The following PLTP variants were observed in gnomAD, a reference collection of about 807,000 sequenced individuals.
The protein encoded by PLTP is BPI fold containing family E.
A neutral mutation model predicts 54.1 loss-of-function variants in PLTP; 43 were observed. The ratio of observed to expected loss-of-function variants is 0.79; its 90% CI spans 0.62 to 1.02. The LOEUF (loss-of-function observed/expected upper bound fraction) is 1.02. Among genes scored for constraint, PLTP ranks in the 50% least tolerant of loss-of-function variants. PLTP has a pLI of 0.00. For missense variants in PLTP, 604 were observed against 645.9 expected, an observed-to-expected ratio of 0.94 and a Z score of 0.70; for synonymous variants, 263 against 264.6, an observed-to-expected ratio of 0.99 and a Z score of 0.06.
intron 5 of PLTP, 101 bp downstream of exon 5, chr20:45,909,415 C>T (rs1403231289): frequency 4.6e-6 from 6 of 1,305,096 alleles, no homozygotes; most frequent in East Asian, 2.3e-5. Flanking sequence ...GAGCTTTGGA[C>T]CCAGTTGGTC....
intron 3 of PLTP, among the ~76,000 whole-genome samples, chr20:45,910,606 C>T (rs2083280923): frequency 6.7e-6 from 1 of 149,674 alleles, no homozygotes; most frequent in African/African-American, 2.5e-5. Context: ...CAGAACAAGA[C>T]TCCCTCTCAG....
At chr20:45,899,810 C>A (rs868811892) in intron 13 of PLTP, 26 bp downstream of exon 13, 2 of 1,134,804 alleles carry the variant, frequency 1.8e-6, no homozygotes, top group African/African-American at 3.1e-5. Flanking sequence ...GAACCCAGCC[C>A]AGCCCACCCA....
intron 13 of PLTP, 31 bp downstream of exon 13, chr20:45,899,805 C>CCGGG: frequency 2.1e-6 from 3 of 1,414,698 alleles, no homozygotes; most frequent in Non-Finnish European, 2.9e-6. Flanking sequence ...CTCACGAACC[C>CCGGG]AGCCCAGCCC....
At chr20:45,900,119 T>C (rs1343430011) in intron 12 of PLTP, among the ~76,000 whole-genome samples, 3 of 138,480 alleles carry the variant, frequency 2.2e-5, no homozygotes, top group African/African-American at 8.1e-5. Context: ...TTTTTTTTTT[T>C]TTTTTTTGAG....
intron 10 of PLTP, 123 bp downstream of exon 10, chr20:45,904,677 G>A: frequency 1.1e-6 from 1 of 873,772 alleles, no homozygotes; most frequent in African/African-American, 1.6e-5. Context: ...AGGCGAGGGG[G>A]ATTGGCCACA....
At chr20:45,906,602 TG>T (rs1286956140) in intron 7 of PLTP, among the ~76,000 whole-genome samples, 2 of 151,906 alleles carry the variant, frequency 1.3e-5, no homozygotes, top group African/African-American at 4.8e-5. Flanking sequence ...CAAGATGGCA[TG>T]GGGGGGCCGC....
chr20:45,909,945 A>C lies in PLTP; in HGVS notation c.326T>G (p.Phe109Cys), dbSNP rs771509617. The C allele has an allele frequency of 6.2e-7, 1 of 1,614,036 alleles. No individual in the cohort carries two copies. The highest frequency in any genetic ancestry group is 8.5e-7 in the Non-Finnish European group (1 of 1,179,986). Reference sequence around the variant, plus strand: ...CCTGAGGGTGCTGGGTCCTTACAAGAACCAGTAGAGCAGCTGTCTCCGGAA... The same window carrying C: ...CCTGAGGGTGCTGGGTCCTTACAAGCACCAGTAGAGCAGCTGTCTCCGGAA... ...LRFRRQLLYW[F>C]FYDGGYINAS... is the part of the protein sequence containing the mutation. The change falls in exon 4 of 16, where the codon TTC (phenylalanine) becomes TGC (cysteine). Residue 109 changes from phenylalanine (F) to cysteine (C), a missense_variant. Phe to Cys is a radical substitution (Grantham distance 205). Coordinates refer to ENST00000372431, the MANE Select transcript of PLTP (RefSeq NM_006227.4).
At position 45,906,248 on chromosome 20, in the gene PLTP, C is replaced by T. The variant is rs1460153748; in HGVS notation, c.705+20G>A. ...TCTTGTTAGGAAGTCAGAGGTCATACACCAGCCCAAGCAGCTCACCCGGAA... is the reference window on the plus strand; with the variant it reads ...TCTTGTTAGGAAGTCAGAGGTCATATACCAGCCCAAGCAGCTCACCCGGAA... On this transcript the variant is annotated intron_variant, in intron 8 of 15. Coordinates refer to ENST00000372431, the MANE Select transcript of PLTP (RefSeq NM_006227.4). The T allele has an allele frequency of 6.3e-7, 1 of 1,578,364 alleles. No individual in the cohort carries two copies. Among genetic ancestry groups the T allele is most frequent in the Non-Finnish European group, 8.7e-7 (1 of 1,147,422 alleles).
chr20:45,899,425 A>T, intron 15 of PLTP, 37 bp downstream of exon 15: 1 of 1,598,838 alleles, frequency 6.3e-7, no homozygotes, highest in Non-Finnish European at 8.6e-7. Context: ...GAGAGAGGGG[A>T]AGGCCCTCCC....
In PLTP at chr20:45,898,780, TGATA is replaced by T; in HGVS notation, c.*157_*160del. 1 of 857,348 alleles carries T rather than the reference TGATA, an allele frequency of 1.2e-6. No homozygotes were observed. Among genetic ancestry groups the T allele is most frequent in the South Asian group, 1.7e-5 (1 of 57,906 alleles). The allele number at this position is 857,348 out of a possible 1,614,324, so 53.1% of individuals were successfully genotyped here. A position where few individuals can be genotyped will look rare whatever the true frequency, so the allele number is the denominator to read the frequency against. On this transcript the variant is annotated 3_prime_UTR_variant, in exon 16 of 16. Coordinates refer to ENST00000372431, the MANE Select transcript of PLTP (RefSeq NM_006227.4). This position sits in a 1 kb window ranked among gnomAD's most constrained non-coding sequence, Gnocchi z 4.6. Reference sequence around the variant, plus strand: ...AGGGAGGTGGTGGACGGACTGTAATTGATAGATTGATTATGGAATTAAATTGGGT... The same window carrying T: ...AGGGAGGTGGTGGACGGACTGTAATTGATTGATTATGGAATTAAATTGGGT...
chr20:45,898,740 C>G lies in PLTP; in HGVS notation c.*201G>C. ...ATTCCATCCCAGGAACCCAACAGAGCTCAGGACAGCCCACAGGGAGGTGGT... is the reference window on the plus strand; with the variant it reads ...ATTCCATCCCAGGAACCCAACAGAGGTCAGGACAGCCCACAGGGAGGTGGT... On this transcript the variant is annotated 3_prime_UTR_variant, in exon 16 of 16. Transcript: ENST00000372431. This position sits in a 1 kb window ranked among gnomAD's most constrained non-coding sequence, Gnocchi z 4.6. 1.4e-6 allele frequency: 1 copy of G among 704,592 alleles called. No homozygotes were observed. Among genetic ancestry groups the G allele is most frequent in the Middle Eastern group, 4.0e-4 (1 of 2,500 alleles). 43.6% of individuals were successfully genotyped at this position (704,592 alleles called of 1,614,324 possible). A position where few individuals can be genotyped will look rare whatever the true frequency, so the allele number is the denominator to read the frequency against.
chr20:45,911,726 A>C, intron 1 of PLTP: 1 of 553,738 alleles, frequency 1.8e-6, no homozygotes, highest in South Asian at 2.0e-5. Flanking sequence ...CCGCGTGATG[A>C]GTTTGGACCT....
rs748185825 is a variant in PLTP at position 45,902,286 on chromosome 20, T to A, written c.1156A>T (p.Thr386Ser). The A allele has an allele frequency of 6.2e-7, 1 of 1,614,046 alleles. No individual in the cohort carries two copies. The highest frequency in any genetic ancestry group is 1.7e-5 in the Admixed American group (1 of 60,032). ...GCCTACCTGCGCAGGTCCAGCTGCGTGCGCAGGGCCTTCCCCCGGAGAGCC... is the reference window on the plus strand; with the variant it reads ...GCCTACCTGCGCAGGTCCAGCTGCGAGCGCAGGGCCTTCCCCCGGAGAGCC... ...KMALRGKALRTQLDLRRFRIY... is the reference protein window; with the variant it reads ...KMALRGKALRSQLDLRRFRIY... The change falls in exon 12 of 16, where the codon ACG becomes TCG. Residue 386 changes from threonine to serine, a missense_variant. Coordinates refer to ENST00000372431, the MANE Select transcript of PLTP (RefSeq NM_006227.4).
intron 12 of PLTP, among the ~76,000 whole-genome samples, 161 bp from the exon 13 acceptor site, chr20:45,900,039 TTGC>T (rs2083166694): frequency 6.6e-6 from 1 of 151,722 alleles, no homozygotes; most frequent in South Asian, 2.1e-4. Context: ...GGGGCAGTCA[TTGC>T]TGCCACTTGG....
chr20:45,904,889 G>C (rs753641491), intron 9 of PLTP, 30 bp from the exon 10 acceptor site: 2 of 1,614,072 alleles, frequency 1.2e-6, no homozygotes, highest in East Asian at 4.5e-5. Flanking sequence ...GTGAGGGAGT[G>C]AGCTCTGTCA....
chr20:45,911,582 T>C, intron 1 of PLTP, 119 bp from the exon 2 acceptor site: 3 of 1,377,560 alleles, frequency 2.2e-6, no homozygotes, highest in Non-Finnish European at 3.0e-6. Flanking sequence ...TTCGGGGAAC[T>C]TGGAACCAAT....
intron 11 of PLTP, 48 bp from the exon 12 acceptor site, chr20:45,902,382 A>T (rs1169545937): frequency 6.2e-7 from 1 of 1,613,136 alleles, no homozygotes; most frequent in Non-Finnish European, 8.5e-7. Flanking sequence ...AAGGTCAGTA[A>T]CCCACAGCCC....
chr20:45,904,797 C>A lies in PLTP; in HGVS notation c.942+3G>T. The A allele has an allele frequency of 6.2e-7, 1 of 1,614,134 alleles. No homozygotes were observed. The highest frequency in any genetic ancestry group is 1.1e-5 in the South Asian group (1 of 91,076). The stretch of plus-strand genomic sequence containing the variant: ...CCCTATCCCTGCCCCCGCCAGCACT[C>A]ACCAGCAGGACAATGCTCCCAAAGT... On this transcript the variant is annotated splice_donor_region_variant and intron_variant, in intron 10 of 15. Transcript: ENST00000372431.
Position 45,902,257 on chromosome 20 carries a change from G to C in PLTP, c.1175+10C>G, listed in dbSNP as rs778571774. 3.7e-6 allele frequency: 6 copies of C among 1,613,208 alleles called. No homozygotes were observed. The East Asian group carries it at 1.3e-4, about 36-fold the overall frequency. On this transcript the variant is annotated intron_variant, in intron 12 of 15. Coordinates refer to ENST00000372431, the MANE Select transcript of PLTP (RefSeq NM_006227.4). ...CAATCACTGAGGTGCAGGGAAGTGC[G>C]CCTGCCTACCTGCGCAGGTCCAGCT...
Sources: allele counts gnomAD v4.1 joint callset (sites outside exome capture counted in the v4.1 genomes callset), GRCh38; gene constraint gnomAD v4.1.1; non-coding constraint Gnocchi (gnomAD v3.1); transcripts MANE v1.5; gene names NCBI Gene and HGNC (gene_info 2026-07-23, HGNC 2026-07-21).